The following ROBO2 variants were observed in gnomAD, a reference collection of about 807,000 sequenced individuals.
ROBO2 encodes roundabout homolog 2.
A neutral mutation model predicts 160.8 loss-of-function variants in ROBO2; 53 were observed. The observed-to-expected ratio is 0.33, with a 90% CI of 0.26 to 0.41. ROBO2 has a LOEUF of 0.41. Among genes scored for constraint, ROBO2 ranks in the 10% least tolerant of loss-of-function variants. The pLI is 1.00. For synonymous variants in ROBO2, 664 were observed against 611.7 expected, an observed-to-expected ratio of 1.09 and a Z score of -1.26; for missense variants, 1,577 against 1,722.4, an observed-to-expected ratio of 0.92 and a Z score of 1.49.
At chr3:77,448,609 G>T (rs1454655374) in intron 2 of ROBO2, among the ~76,000 whole-genome samples, 1 of 151,958 alleles carries the variant, frequency 6.6e-6, no homozygotes, top group Non-Finnish European at 1.5e-5. Context: ...GTAAGGACAG[G>T]TATTAGTCTG....
chr3:76,026,989 C>A (rs1275654214), intron 2 of ROBO2, among the ~76,000 whole-genome samples: 1 of 151,876 alleles, frequency 6.6e-6, no homozygotes, highest in Non-Finnish European at 1.5e-5. Context: ...CTGAGGACTG[C>A]GCTGGGACAA....
intron 2 of ROBO2, among the ~76,000 whole-genome samples, chr3:76,826,629 GATTCCTGA>G (rs1228334373): frequency 2.6e-5 from 4 of 152,054 alleles, no homozygotes; most frequent in African/African-American, 9.7e-5. Context: ...AGTATAAGCT[GATTCCTGA>G]ATCTTAAGGC....
intron 2 of ROBO2, among the ~76,000 whole-genome samples, chr3:76,826,453 G>T (rs1472687633): frequency 6.6e-6 from 1 of 152,052 alleles, no homozygotes; most frequent in African/African-American, 2.4e-5. Context: ...TTACGTCATA[G>T]CACTTTTATA....
At chr3:77,471,831 G>A (rs1346314027) in intron 2 of ROBO2, among the ~76,000 whole-genome samples, 1 of 152,290 alleles carries the variant, frequency 6.6e-6, no homozygotes, top group Middle Eastern at 3.4e-3. Context: ...TTGAGGAGAT[G>A]AATGGGCCTG....
At chr3:76,536,844 C>T (rs941548065) in intron 2 of ROBO2, among the ~76,000 whole-genome samples, 1 of 152,058 alleles carries the variant, frequency 6.6e-6, no homozygotes. Flanking sequence ...AGAAAGAGCC[C>T]AGATGCTGAC....
At chr3:76,965,802 T>C (rs2059253739) in intron 2 of ROBO2, among the ~76,000 whole-genome samples, 1 of 146,846 alleles carries the variant, frequency 6.8e-6, no homozygotes, top group Admixed American at 6.8e-5. Context: ...TATATATATA[T>C]ATATATATTT....
At chr3:76,881,243 G>T (rs2073309740) in intron 2 of ROBO2, among the ~76,000 whole-genome samples, 1 of 152,136 alleles carries the variant, frequency 6.6e-6, no homozygotes, top group Non-Finnish European at 1.5e-5. Context: ...TAAAACTGAA[G>T]ACACTAATCT....
chr3:77,318,691 G>T (rs771673053), intron 2 of ROBO2, among the ~76,000 whole-genome samples: 1 of 152,058 alleles, frequency 6.6e-6, no homozygotes, highest in Non-Finnish European at 1.5e-5. Flanking sequence ...GGTTTACAAG[G>T]TCAACTACTA....
chr3:77,372,671 A>C (rs2071949297), intron 2 of ROBO2, among the ~76,000 whole-genome samples: 1 of 152,172 alleles, frequency 6.6e-6, no homozygotes, highest in South Asian at 2.1e-4. Flanking sequence ...TGTTGAATGG[A>C]AGTATACAAT....
intron 2 of ROBO2, among the ~76,000 whole-genome samples, chr3:77,221,682 C>T (rs1253294333): frequency 3.3e-5 from 5 of 151,978 alleles, no homozygotes; most frequent in Non-Finnish European, 7.4e-5. Context: ...ACCAGTTCAC[C>T]AAGATATGTA....
At chr3:77,202,476 A>C (rs751793138) in intron 2 of ROBO2, among the ~76,000 whole-genome samples, 3 of 152,194 alleles carry the variant, frequency 2.0e-5, no homozygotes, top group Non-Finnish European at 4.4e-5. Context: ...TTTTCATTAA[A>C]ACTTAGGGAA....
chr3:76,328,953 C>T (rs1233395117), intron 2 of ROBO2, among the ~76,000 whole-genome samples: 2 of 149,096 alleles, frequency 1.3e-5, no homozygotes, highest in Non-Finnish European at 3.0e-5. Flanking sequence ...TCATATGTCT[C>T]CAACTTCATA....
intron 2 of ROBO2, among the ~76,000 whole-genome samples, chr3:76,809,242 C>A (rs2064976514): frequency 6.6e-6 from 1 of 152,122 alleles, no homozygotes; most frequent in African/African-American, 2.4e-5. Flanking sequence ...GGGGAAAAGT[C>A]TTCTTCAAGC....
At chr3:76,649,685 A>G (rs2109856967) in intron 2 of ROBO2, among the ~76,000 whole-genome samples, 1 of 152,160 alleles carries the variant, frequency 6.6e-6, no homozygotes, top group East Asian at 1.9e-4. Flanking sequence ...GAGAAATACT[A>G]TTGTGTTGAC....
intron 2 of ROBO2, among the ~76,000 whole-genome samples, chr3:77,197,346 C>T (rs1455256791): frequency 2.0e-5 from 3 of 152,180 alleles, no homozygotes; most frequent in Non-Finnish European, 4.4e-5. Context: ...GAATCTACTT[C>T]GCAATGAATA....
intron 2 of ROBO2, among the ~76,000 whole-genome samples, chr3:76,120,795 A>C (rs1228132566): frequency 6.6e-6 from 1 of 152,186 alleles, no homozygotes; most frequent in Non-Finnish European, 1.5e-5. Flanking sequence ...TCTTGTTCAT[A>C]TGAACCCCTG....
chr3:77,112,476 T>C (rs1354144708), intron 2 of ROBO2, among the ~76,000 whole-genome samples: 1 of 151,980 alleles, frequency 6.6e-6, no homozygotes, highest in Non-Finnish European at 1.5e-5. Context: ...ACTCCTGATG[T>C]GGGCTGATGC....
intron 2 of ROBO2, among the ~76,000 whole-genome samples, chr3:77,304,815 T>C (rs1258908621): frequency 6.6e-6 from 1 of 152,236 alleles, no homozygotes; most frequent in Admixed American, 6.5e-5. Context: ...CTGTGTATTG[T>C]GCTTAGCAGA....
At chr3:77,518,077 C>T (rs1360378222) in intron 5 of ROBO2, among the ~76,000 whole-genome samples, 1 of 151,458 alleles carries the variant, frequency 6.6e-6, no homozygotes, top group Non-Finnish European at 1.5e-5. Flanking sequence ...AGAGAGTATA[C>T]TTTTCTGTTT....
Sources: gnomAD v4.1 joint callset for allele counts (sites outside exome capture counted in the v4.1 genomes callset) on GRCh38, gnomAD v4.1.1 for gene constraint, MANE v1.5 for transcripts, NCBI Gene and HGNC (gene_info 2026-07-23, HGNC 2026-07-21) for gene names.